Variants in GAPVD1 observed in about 807,000 individuals in gnomAD.
The protein encoded by GAPVD1 is GTPase-activating protein and VPS9 domain-containing protein 1.
In GAPVD1, 35 loss-of-function variants were observed where a neutral mutation model predicts 155.5. The ratio of observed to expected loss-of-function variants is 0.23; its 90% CI spans 0.17 to 0.30. The LOEUF (loss-of-function observed/expected upper bound fraction) is 0.30. Ranked by LOEUF, GAPVD1 falls within the 10% of genes least tolerant of loss-of-function variation. GAPVD1 has a pLI of 1.00. For missense variants in GAPVD1, 1,429 were observed against 1,775.7 expected, an observed-to-expected ratio of 0.80 and a Z score of 3.51; for synonymous variants, 636 against 619.7, an observed-to-expected ratio of 1.03 and a Z score of -0.39.
intron 25 of GAPVD1, among the ~76,000 whole-genome samples, chr9:125,357,451 C>T (rs1176755811): frequency 6.6e-6 from 1 of 151,616 alleles, no homozygotes. Context: ...TGGTGGCATG[C>T]GTGTATAGTC....
At chr9:125,299,506 A>G (rs369023205) in intron 4 of GAPVD1, among the ~76,000 whole-genome samples, 12 of 151,818 alleles carry the variant, frequency 7.9e-5, no homozygotes, top group African/African-American at 2.7e-4. Context: ...AAATACAACA[A>G]TTATCTGGGC....
At chr9:125,274,944 C>T (rs182901813) in intron 2 of GAPVD1, among the ~76,000 whole-genome samples, 84 of 152,228 alleles carry the variant, frequency 5.5e-4, no homozygotes, top group Middle Eastern at 3.4e-3. Flanking sequence ...CTTGCTCCAG[C>T]GTTTAACTCC....
intron 2 of GAPVD1, among the ~76,000 whole-genome samples, chr9:125,277,578 C>T (rs1488762748): frequency 6.6e-6 from 1 of 152,094 alleles, no homozygotes; most frequent in Non-Finnish European, 1.5e-5. Context: ...TCAGACCTTG[C>T]CTGTCTTGTT....
chr9:125,330,190 G>T lies in GAPVD1; in HGVS notation c.2145G>T (p.Trp715Cys). The T allele has an allele frequency of 6.2e-7, 1 of 1,610,778 alleles. No individual in the cohort carries two copies. Among genetic ancestry groups the T allele is most frequent in the Non-Finnish European group, 8.5e-7 (1 of 1,178,354 alleles). ...STISETTSEA[W>C]SVEVLPSDSE... is the part of the protein sequence containing the mutation. ...TATCAGAGACAACAAGTGAAGCTTGGAGTGTAGAGGTATTGCCAAGTGACT... is the reference window on the plus strand; with the variant it reads ...TATCAGAGACAACAAGTGAAGCTTGTAGTGTAGAGGTATTGCCAAGTGACT... Residue 715 changes from tryptophan (W) to cysteine (C), a missense_variant, in exon 13 of 28, where the codon TGG becomes TGT. Trp to Cys is a radical substitution (Grantham distance 215, BLOSUM62 -2). Coordinates refer to ENST00000297933, the MANE Select transcript of GAPVD1 (RefSeq NM_001282680.3).
intron 2 of GAPVD1, among the ~76,000 whole-genome samples, chr9:125,276,775 T>G (rs964050221): frequency 6.6e-6 from 1 of 152,132 alleles, no homozygotes; most frequent in Non-Finnish European, 1.5e-5. Context: ...TTTTGTTTTG[T>G]TTTGAGACAG....
intron 21 of GAPVD1, 94 bp downstream of exon 21, chr9:125,349,613 G>A: frequency 2.9e-6 from 3 of 1,052,048 alleles, no homozygotes; most frequent in East Asian, 2.4e-5. Context: ...GTCAATAAAT[G>A]TATAAAGCAG....
At chr9:125,309,987 T>C (rs755755040) in intron 8 of GAPVD1, 2 of 467,612 alleles carry the variant, frequency 4.3e-6, no homozygotes, top group South Asian at 3.1e-5. Flanking sequence ...TTACCTCTCA[T>C]ATTACAGTAG....
Position 125,267,484 on chromosome 9 carries a change from A to G in GAPVD1, c.-198-1452A>G, listed in dbSNP as rs553928317. 9.9e-5 allele frequency among the ~76,000 whole-genome samples: 15 copies of G among 152,240 alleles called. 1 individual carries two copies. The Middle Eastern group carries it at 0.01, about 104-fold the overall frequency. ...GCCCAGGCTGGAGTACAATGGCACA[A>G]TCTCAGCTCATCGCAGTTTCTGCCT... On this transcript the variant is annotated intron_variant, in intron 1 of 27. Transcript: ENST00000297933.
At chr9:125,347,610 C>T (rs1848672336) in intron 20 of GAPVD1, among the ~76,000 whole-genome samples, 1 of 151,916 alleles carries the variant, frequency 6.6e-6, no homozygotes, top group South Asian at 2.1e-4. Flanking sequence ...GCCTGTAATC[C>T]TCAGATGGTT....
rs779567360 is a variant in GAPVD1 at position 125,337,284 on chromosome 9, C to T, written c.2570C>T (p.Pro857Leu). 2 of 1,614,150 alleles carry T rather than the reference C, an allele frequency of 1.2e-6. No homozygotes were observed. Among genetic ancestry groups the T allele is most frequent in the Non-Finnish European group, 1.7e-6 (2 of 1,179,992 alleles). The change falls in exon 17 of 28, where the codon CCC becomes CTC. Residue 857 changes from proline (P) to leucine (L), a missense_variant. Pro to Leu is a moderately conservative substitution (Grantham distance 98, BLOSUM62 -3). Transcript: ENST00000297933. ...AGGCCATCGCATCCACCACCAGATC[C>T]CCCAATCCTGGAAGGAGCTGTGGGA... Reference protein sequence around the residue: ...YARPSHPPPDPPILEGAVGGN... With the variant: ...YARPSHPPPDLPILEGAVGGN...
chr9:125,350,480 T>C lies in GAPVD1; in HGVS notation c.3409+76T>C, dbSNP rs542856915. ...ATATGAAATTGCCAGTATTCAGCTG[T>C]TGAAGCTGTACAGCAATTCCATATG... On this transcript the variant is annotated intron_variant, in intron 22 of 27. Transcript: ENST00000297933. The C allele has an allele frequency of 1.3e-5, 12 of 957,862 alleles. No homozygotes were observed. In the African/African-American group the frequency reaches 1.3e-4, roughly 10 times the overall value. 59.3% of individuals were successfully genotyped at this position (957,862 alleles called of 1,614,324 possible). A position where few individuals can be genotyped will look rare whatever the true frequency, so the allele number is the denominator to read the frequency against.
chr9:125,276,587 G>A (rs1459131447), intron 2 of GAPVD1, among the ~76,000 whole-genome samples: 1 of 152,138 alleles, frequency 6.6e-6, no homozygotes, highest in Non-Finnish European at 1.5e-5. Flanking sequence ...TACTCAGTAC[G>A]CTGAGGCAGG....
At position 125,302,289 on chromosome 9, in the gene GAPVD1, T is replaced by C. The variant is rs1355263601; in HGVS notation, c.492T>C (p.Ser164=). The C allele has an allele frequency of 1.2e-6, 2 of 1,614,126 alleles. No individual in the cohort carries two copies. The highest frequency in any genetic ancestry group is 1.7e-6 in the Non-Finnish European group (2 of 1,179,976). The change falls in exon 5 of 28, where the codon AGT becomes AGC. Residue 164 remains serine, a synonymous_variant. Coordinates refer to ENST00000297933, the MANE Select transcript of GAPVD1 (RefSeq NM_001282680.3). ...TGATTGAATTTGAACTTAAAGAAAG[T>C]GACAACCCTAGGCGACTTTTGAGGA... is the stretch of plus-strand genomic sequence containing the variant. ...RYLIEFELKE[S]DNPRRLLRRG...
chr9:125,303,949 T>G (rs1841373498), intron 5 of GAPVD1: 1 of 152,164 alleles, frequency 6.6e-6, no homozygotes, highest in African/African-American at 2.4e-5. Context: ...CAAATTTGTG[T>G]GTCATCCTTG....
rs376206583 is a variant in GAPVD1, at chr9:125,305,060, C to T, written c.1030-3C>T. On this transcript the variant is annotated splice_region_variant and splice_polypyrimidine_tract_variant and intron_variant, in intron 5 of 27. Coordinates refer to ENST00000297933, the MANE Select transcript of GAPVD1 (RefSeq NM_001282680.3). ...GTCTCCCTACCACTGCTTTGGGTTG[C>T]AGGTAGGCCGCCTTTTGCAGCAGTT... is the stretch of plus-strand genomic sequence containing the variant. 1.9e-5 allele frequency: 31 copies of T among 1,609,576 alleles called. No homozygotes were observed. In the African/African-American group the frequency reaches 3.2e-4, roughly 17 times the overall value.
At chr9:125,296,925 G>A (rs1326425683) in intron 3 of GAPVD1, among the ~76,000 whole-genome samples, 1 of 152,124 alleles carries the variant, frequency 6.6e-6, no homozygotes, top group East Asian at 1.9e-4. Flanking sequence ...CTCCCAGAGT[G>A]CTAGGATTAC....
At chr9:125,350,689 A>G (rs750302453) in intron 22 of GAPVD1, 24 bp from the exon 23 acceptor site, 8 of 1,379,918 alleles carry the variant, frequency 5.8e-6, no homozygotes, top group Non-Finnish European at 8.2e-6. Flanking sequence ...CAAGAATAAC[A>G]GAATTCTTGT....
intron 9 of GAPVD1, among the ~76,000 whole-genome samples, chr9:125,320,174 C>G (rs1190239766): frequency 6.6e-6 from 1 of 151,852 alleles, no homozygotes; most frequent in Non-Finnish European, 1.5e-5. Flanking sequence ...ACTATTCTTC[C>G]TTCATATTTC....
At position 125,299,030 on chromosome 9, in the gene GAPVD1, A is replaced by G. The variant is rs777407051; in HGVS notation, c.109A>G (p.Thr37Ala). 56 of 1,612,480 alleles carry G rather than the reference A, an allele frequency of 3.5e-5. No individual in the cohort carries two copies. Among genetic ancestry groups the G allele is most frequent in the Non-Finnish European group, 4.3e-5 (51 of 1,178,672 alleles). Reference protein sequence around the residue: ...IQRLNADVLKTAEKLYRTAWI... With the variant: ...IQRLNADVLKAAEKLYRTAWI... ...GAGGCTCAATGCAGATGTACTTAAG[A>G]CAGCTGAAAAGTTGTATCGTACAGC... Residue 37 changes from threonine (T) to alanine (A), a missense_variant, in exon 4 of 28, where the codon ACA becomes GCA. By Grantham distance (58) the Thr-to-Ala change is moderately conservative. This residue lies in a region of GAPVD1 where 628 missense variants were observed against 733.4 expected (regional missense o/e 0.86). Coordinates refer to ENST00000297933, the MANE Select transcript of GAPVD1 (RefSeq NM_001282680.3).
Sources: allele counts gnomAD v4.1 joint callset (sites outside exome capture counted in the v4.1 genomes callset), GRCh38; gene constraint gnomAD v4.1.1; regional missense constraint gnomAD v4.1.1; transcripts MANE v1.5; gene names NCBI Gene and HGNC (gene_info 2026-07-23, HGNC 2026-07-21).